CEP85L: variants seen among roughly 807,000 people sequenced by gnomAD.
CEP85L encodes centrosomal protein of 85 kDa-like.
A neutral mutation model predicts 100.3 loss-of-function variants in CEP85L; 60 were observed. The ratio of observed to expected loss-of-function variants is 0.60; its 90% CI spans 0.49 to 0.74. The LOEUF (loss-of-function observed/expected upper bound fraction) is 0.74. CEP85L is among the 30% of genes least tolerant of loss of function. The probability of loss-of-function intolerance (pLI) is 0.00; values close to 1 mark genes in which losing one functional copy is unlikely to be tolerated. For synonymous variants in CEP85L, 319 were observed against 322.7 expected (o/e 0.99, Z 0.12); for missense variants, 973 against 936.2 (o/e 1.04, Z -0.51).
At chr6:118,531,640 T>C (rs1371656455) in intron 3 of CEP85L, among the ~76,000 whole-genome samples, 1 of 152,064 alleles carries the variant, frequency 6.6e-6, no homozygotes, top group Non-Finnish European at 1.5e-5. Context: ...ATCCACAATC[T>C]ATAAGGAACT....
chr6:118,645,187 A>G (rs940721166), intron 1 of CEP85L, among the ~76,000 whole-genome samples: 8 of 152,100 alleles, frequency 5.3e-5, no homozygotes, highest in African/African-American at 1.7e-4. Flanking sequence ...CCACCTGAAC[A>G]CTTCTCCCTT....
At chr6:118,473,403 A>T (rs903887667) in intron 10 of CEP85L, among the ~76,000 whole-genome samples, 10 of 152,184 alleles carry the variant, frequency 6.6e-5, no homozygotes, top group African/African-American at 2.2e-4. Flanking sequence ...TCCTATCAGT[A>T]CAAAGGTTCT....
chr6:118,663,939 T>C (rs902392940), intron 1 of CEP85L, among the ~76,000 whole-genome samples: 7 of 151,854 alleles, frequency 4.6e-5, no homozygotes, highest in African/African-American at 1.7e-4. Flanking sequence ...TTTTTTTTTT[T>C]TCTGAGACAG....
At chr6:118,628,092 T>A (rs1773918437) in intron 2 of CEP85L, among the ~76,000 whole-genome samples, 1 of 152,040 alleles carries the variant, frequency 6.6e-6, no homozygotes, top group South Asian at 2.1e-4. Context: ...TTACTAAAGG[T>A]CTGCTCACCA....
chr6:118,491,732 T>C lies in CEP85L; in HGVS notation c.1391A>G (p.Gln464Arg). 1 of 1,613,224 alleles carries C rather than the reference T, an allele frequency of 6.2e-7. No individual in the cohort carries two copies. Among genetic ancestry groups the C allele is most frequent in the Non-Finnish European group, 8.5e-7 (1 of 1,179,586 alleles). The change falls in exon 6 of 13, where the codon CAA (glutamine) becomes CGA (arginine). Residue 464 changes from glutamine (Q) to arginine (R), a missense_variant. Physicochemically the swap from Gln to Arg is conservative, Grantham distance 43. This residue lies in a region of CEP85L where 890 missense variants were observed against 844.5 expected (regional missense o/e 1.05). Coordinates refer to ENST00000368491, the MANE Select transcript of CEP85L (RefSeq NM_001042475.3). ...CTCTTCACTAAATAGGCTTAGTCTTTGTTTGAGAAACTCATTAAGCTGTAA... is the reference window on the plus strand; with the variant it reads ...CTCTTCACTAAATAGGCTTAGTCTTCGTTTGAGAAACTCATTAAGCTGTAA... ...EVLQLNEFLK[Q>R]RLSLFSEEKK...
chr6:118,476,770 G>A (rs1330063118), intron 10 of CEP85L, among the ~76,000 whole-genome samples: 5 of 152,116 alleles, frequency 3.3e-5, no homozygotes, highest in African/African-American at 9.7e-5. Flanking sequence ...GTCCTCTAAC[G>A]TATTATTCTA....
upstream of CEP85L, among the ~76,000 whole-genome samples, chr6:118,653,490 G>A (rs1775664865): frequency 6.6e-6 from 1 of 152,144 alleles, no homozygotes; most frequent in South Asian, 2.1e-4. Context: ...ATACATGGAT[G>A]ATATGTACAT....
In CEP85L at chr6:118,469,314, A is replaced by T. The variant is rs1249914542; in HGVS notation, c.2023-11T>A. ...TGTTTGTCTTTGGTTCTGCAAGGAT[A>T]AAGAAAACAAACATCAGATTGTTAG... is the stretch of plus-strand genomic sequence containing the variant. On this transcript the variant is annotated splice_polypyrimidine_tract_variant and intron_variant, in intron 11 of 12. Transcript: ENST00000368491. 1 of 1,598,504 alleles carries T rather than the reference A, an allele frequency of 6.3e-7. No individual in the cohort carries two copies.
chr6:118,486,178 T>C (rs1433721021), intron 6 of CEP85L, among the ~76,000 whole-genome samples: 2 of 152,166 alleles, frequency 1.3e-5, no homozygotes, highest in Non-Finnish European at 2.9e-5. Flanking sequence ...CTTTGTTTTG[T>C]TTTTTGGTGT....
At chr6:118,627,198 CAAAA>C (rs56203910) in intron 2 of CEP85L, among the ~76,000 whole-genome samples, 1 of 72,576 alleles carries the variant, frequency 1.4e-5, no homozygotes, top group Non-Finnish European at 2.6e-5. Context: ...GACTCCATCT[CAAAA>C]AAAAAAAAAA....
intron 2 of CEP85L, among the ~76,000 whole-genome samples, chr6:118,568,289 C>T (rs1055345570): frequency 1.3e-5 from 2 of 152,198 alleles, no homozygotes; most frequent in African/African-American, 4.8e-5. Flanking sequence ...TACTTGGAAG[C>T]TTATCCTTAA....
At chr6:118,556,509 G>C (rs901664130) in intron 3 of CEP85L, among the ~76,000 whole-genome samples, 1 of 152,132 alleles carries the variant, frequency 6.6e-6, no homozygotes, top group African/African-American at 2.4e-5. Flanking sequence ...CAAAGTAAAT[G>C]CCGGGTTCTA....
chr6:118,680,306 CTTTTTTTTTT>C (rs57764027), intron 1 of CEP85L, among the ~76,000 whole-genome samples: 2 of 56,172 alleles, frequency 3.6e-5, no homozygotes, highest in Admixed American at 5.7e-4. Context: ...CTTGGTGTTG[CTTTTTTTTTT>C]TTTTTTTTTT....
chr6:118,709,556 T>TGTGTGTGTGTGTGTGTGTGA lies in CEP85L; in HGVS notation c.-28+479_-28+480insTCACACACACACACACACAC, dbSNP rs751698371. Among the ~76,000 whole-genome samples the TGTGTGTGTGTGTGTGTGTGA allele has an allele frequency of 5.6e-3, 803 of 142,252 alleles. 8 individuals carry two copies. Among genetic ancestry groups the TGTGTGTGTGTGTGTGTGTGA allele is most frequent in the African/African-American group, 0.015 (521 of 35,536 alleles). The allele number at this position is 142,252 out of a possible 152,430, so 93.3% of individuals were successfully genotyped here. Reference sequence around the variant, plus strand: ...GCGTGTGTGTGTGTGTGTGTGTGTGTGAGAGAGAGAGAGAGAGAGAGAGAG... The same window carrying TGTGTGTGTGTGTGTGTGTGA: ...GCGTGTGTGTGTGTGTGTGTGTGTGTGTGTGTGTGTGTGTGTGTGAGAGAGAGAGAGAGAGAGAGAGAGAG... On this transcript the variant is annotated intron_variant, in intron 1 of 13. Coordinates refer to the CEP85L transcript ENST00000368488.
chr6:118,502,130 T>C, intron 5 of CEP85L: 1 of 1,147,776 alleles, frequency 8.7e-7, no homozygotes, highest in Non-Finnish European at 1.2e-6. Context: ...ACTGGAAGAC[T>C]TCAGTCTGGA....
intron 5 of CEP85L, among the ~76,000 whole-genome samples, chr6:118,492,641 C>A (rs907100753): frequency 1.3e-5 from 2 of 152,050 alleles, no homozygotes; most frequent in African/African-American, 4.8e-5. Context: ...CAACAAAGTA[C>A]TGTAAAAGCA....
intron 10 of CEP85L, among the ~76,000 whole-genome samples, chr6:118,473,817 A>C (rs1773149674): frequency 6.6e-6 from 1 of 152,162 alleles, no homozygotes; most frequent in African/African-American, 2.4e-5. Flanking sequence ...GAGGTAAGTG[A>C]GGAGTCAAGG....
intron 3 of CEP85L, among the ~76,000 whole-genome samples, chr6:118,542,359 T>C (rs1012241572): frequency 4.6e-5 from 7 of 152,246 alleles, no homozygotes; most frequent in Middle Eastern, 3.4e-3. Context: ...CCTTACCTAA[T>C]AGAGTGCCTG....
chr6:118,633,085 T>C (rs1774269726), intron 1 of CEP85L, among the ~76,000 whole-genome samples: 1 of 152,208 alleles, frequency 6.6e-6, no homozygotes, highest in Admixed American at 6.5e-5. Context: ...ATCTACTAAA[T>C]TTTTTCTACA....
Sources: allele counts gnomAD v4.1 joint callset (sites outside exome capture counted in the v4.1 genomes callset), GRCh38; gene constraint gnomAD v4.1.1; regional missense constraint gnomAD v4.1.1; transcripts MANE v1.5; gene names NCBI Gene and HGNC (gene_info 2026-07-23, HGNC 2026-07-21).